Variants in OCA2 observed in about 807,000 individuals in gnomAD.
OCA2 encodes OCA2 melanosomal transmembrane protein.
Under a neutral mutation model 100.2 loss-of-function variants are expected in OCA2, and 77 were observed. The observed-to-expected ratio is 0.77, with a 90% confidence interval of 0.64 to 0.93. The LOEUF (loss-of-function observed/expected upper bound fraction) is 0.93, where lower values mean the gene tolerates loss of function less well. Ranked by LOEUF, OCA2 falls within the 40% of genes least tolerant of loss-of-function variation. The pLI, the probability that OCA2 is intolerant of heterozygous loss-of-function variation, is 0.00. For missense variants in OCA2, 1,062 were observed against 1,089.1 expected (o/e 0.98, Z 0.35); for synonymous variants, 432 against 439.2 (o/e 0.98, Z 0.21).
chr15:27,948,209 G>A (rs1295510981), intron 18 of OCA2, among the ~76,000 whole-genome samples: 4 of 152,156 alleles, frequency 2.6e-5, no homozygotes, highest in African/African-American at 9.7e-5. Flanking sequence ...ACTCCAGGGG[G>A]ATTCTCATTG....
At chr15:28,059,099 C>T (rs1158850763) in intron 2 of OCA2, among the ~76,000 whole-genome samples, 1 of 152,212 alleles carries the variant, frequency 6.6e-6, no homozygotes, top group Non-Finnish European at 1.5e-5. Flanking sequence ...GCTTAGAAGG[C>T]GACAAACTGC....
At chr15:28,070,213 C>G (rs2044190708) in intron 2 of OCA2, among the ~76,000 whole-genome samples, 1 of 134,304 alleles carries the variant, frequency 7.4e-6, no homozygotes, top group Admixed American at 7.0e-5. Flanking sequence ...CAGCAGCTGC[C>G]CCGTCTGAGA....
chr15:27,938,669 G>A (rs1169101033), intron 18 of OCA2, among the ~76,000 whole-genome samples: 1 of 152,166 alleles, frequency 6.6e-6, no homozygotes. Flanking sequence ...ACAGAGGCAG[G>A]ATTTTTGTCC....
intron 23 of OCA2, among the ~76,000 whole-genome samples, chr15:27,778,004 T>C (rs966596731): frequency 8.5e-5 from 13 of 152,348 alleles, no homozygotes; most frequent in African/African-American, 1.4e-4. Flanking sequence ...TTCTACAATA[T>C]TTTGAGGCAT....
chr15:28,038,886 AAC>A (rs1013193938), intron 2 of OCA2, among the ~76,000 whole-genome samples: 42 of 152,318 alleles, frequency 2.8e-4, no homozygotes, highest in African/African-American at 9.4e-4. Context: ...TGGATTTTAA[AAC>A]ACACACACAT....
At chr15:28,041,095 A>G (rs1015867617) in intron 2 of OCA2, among the ~76,000 whole-genome samples, 2 of 152,202 alleles carry the variant, frequency 1.3e-5, no homozygotes, top group African/African-American at 2.4e-5. Flanking sequence ...ATACTGATGC[A>G]AAAATCCTCA....
chr15:28,032,235 T>TGGG, intron 2 of OCA2, 72 bp from the exon 3 acceptor site: 2 of 1,157,684 alleles, frequency 1.7e-6, no homozygotes, highest in Non-Finnish European at 2.6e-6. Context: ...ACTCAGGTGC[T>TGGG]AGATTCAAGA....
chr15:27,998,758 A>G (rs2041832362), intron 9 of OCA2, among the ~76,000 whole-genome samples: 1 of 147,662 alleles, frequency 6.8e-6, no homozygotes, highest in Non-Finnish European at 1.5e-5. Context: ...ATGTATGTTT[A>G]TTGCGGCACT....
At chr15:27,840,777 G>A (rs950472613) in intron 23 of OCA2, among the ~76,000 whole-genome samples, 4 of 152,052 alleles carry the variant, frequency 2.6e-5, no homozygotes, top group African/African-American at 9.7e-5. Flanking sequence ...ACTCAAAATG[G>A]AACATGAACG....
chr15:27,818,678 G>C (rs1453954572), intron 23 of OCA2, among the ~76,000 whole-genome samples: 4 of 152,142 alleles, frequency 2.6e-5, no homozygotes, highest in Admixed American at 6.5e-5. Context: ...GTCTCTGAGA[G>C]ACCATGGAGG....
intron 14 of OCA2, among the ~76,000 whole-genome samples, chr15:27,979,601 A>T (rs891967779): frequency 6.6e-6 from 1 of 151,780 alleles, no homozygotes; most frequent in Non-Finnish European, 1.5e-5. Context: ...TTTTCCTTTT[A>T]GCGGTTGCTT....
At chr15:28,060,013 G>C (rs772651195) in intron 2 of OCA2, among the ~76,000 whole-genome samples, 1 of 152,214 alleles carries the variant, frequency 6.6e-6, no homozygotes, top group Non-Finnish European at 1.5e-5. Context: ...GGCTGTGGGC[G>C]AGCACACGCC....
chr15:27,911,604 G>C (rs1595626931), intron 19 of OCA2, among the ~76,000 whole-genome samples: 2 of 152,116 alleles, frequency 1.3e-5, no homozygotes, highest in South Asian at 2.1e-4. Context: ...AAGAGAGAAG[G>C]GGGAGGTGCC....
At chr15:28,058,356 TTCC>T (rs1402549987) in intron 2 of OCA2, among the ~76,000 whole-genome samples, 1 of 152,232 alleles carries the variant, frequency 6.6e-6, no homozygotes, top group Non-Finnish European at 1.5e-5. Flanking sequence ...GGAATTGGCC[TTCC>T]TCTGTGGTGG....
Position 27,794,537 on chromosome 15 carries a change from G to C in OCA2, c.2433-39065C>G, listed in dbSNP as rs145099675. ...TACTGCTAGTGGGCTGAAACCTAAC[G>C]GGCCATGACTGCATAAGTCTCCAGT... On this transcript the variant is annotated intron_variant, in intron 23 of 23. Transcript: ENST00000354638. Among the ~76,000 whole-genome samples the C allele has an allele frequency of 1.1e-3, 160 of 152,264 alleles. 2 individuals are homozygous for C. The highest frequency in any genetic ancestry group is 1.0e-4 in the Non-Finnish European group (7 of 68,030).
chr15:27,855,979 G>T (rs1487775314), intron 21 of OCA2, among the ~76,000 whole-genome samples: 1 of 152,160 alleles, frequency 6.6e-6, no homozygotes, highest in Non-Finnish European at 1.5e-5. Flanking sequence ...ATTGCCGCAC[G>T]GCTCTGAAGG....
At position 27,808,673 on chromosome 15, in the gene OCA2, G is replaced by T. The variant is rs142653308; in HGVS notation, c.2432+36286C>A. 3.3e-3 allele frequency among the ~76,000 whole-genome samples: 498 copies of T among 152,292 alleles called. 4 individuals carry two copies. The highest frequency in any genetic ancestry group is 0.011 in the African/African-American group (467 of 41,570). ...GAAAAGGGGAGGGCAGGCTATGAAG[G>T]ATGGGTAGGGAGCACTGCGCACTTG... On this transcript the variant is annotated intron_variant, in intron 23 of 23. Coordinates refer to ENST00000354638, the MANE Select transcript of OCA2 (RefSeq NM_000275.3).
the OCA2 span, among the ~76,000 whole-genome samples, chr15:27,731,104 A>T: frequency 6.6e-6 from 1 of 152,164 alleles, no homozygotes; most frequent in Non-Finnish European, 1.5e-5. Flanking sequence ...ACCCTGTGTC[A>T]CAGGCTGTTA....
intron 23 of OCA2, among the ~76,000 whole-genome samples, chr15:27,764,473 A>T (rs1307645237): frequency 6.6e-6 from 1 of 152,214 alleles, no homozygotes; most frequent in African/African-American, 2.4e-5. Flanking sequence ...AGACAACTCA[A>T]GGTAAACTGC....
Sources: gnomAD v4.1 joint callset for allele counts (sites outside exome capture counted in the v4.1 genomes callset) on GRCh38, gnomAD v4.1.1 for gene constraint, MANE v1.5 for transcripts, NCBI Gene and HGNC (gene_info 2026-07-23, HGNC 2026-07-21) for gene names.